Variants in SPMAP2L observed in about 807,000 individuals in gnomAD.
SPMAP2L encodes the protein sperm microtubule associated protein 2 like.
chr4:56,599,734 C>A, the SPMAP2L span, among the ~76,000 whole-genome samples: 1 of 152,154 alleles, frequency 6.6e-6, no homozygotes, highest in Non-Finnish European at 1.5e-5. Context: ...GATATGATCT[C>A]ATTCTTTTTT....
chr4:56,607,805 T>C, the SPMAP2L span, among the ~76,000 whole-genome samples: 16 of 151,930 alleles, frequency 1.1e-4, no homozygotes, highest in Admixed American at 9.8e-4. Context: ...CTGGGCAACA[T>C]AGGGACACCC....
At chr4:56,581,881 A>C in the SPMAP2L span, among the ~76,000 whole-genome samples, 13 of 152,138 alleles carry the variant, frequency 8.5e-5, no homozygotes, top group Admixed American at 6.5e-4. Flanking sequence ...ATTTATGGGC[A>C]ATTGATTTTT....
the SPMAP2L span, among the ~76,000 whole-genome samples, chr4:56,608,241 G>T: frequency 6.6e-6 from 1 of 152,170 alleles, no homozygotes. Context: ...AATGTGAGAA[G>T]TGAGAATTGA....
the SPMAP2L span, among the ~76,000 whole-genome samples, chr4:56,540,353 G>A: frequency 6.6e-6 from 1 of 152,072 alleles, no homozygotes; most frequent in Admixed American, 6.5e-5. Context: ...GACCAGCCTG[G>A]CCAACATGCC....
chr4:56,554,108 G>C, the SPMAP2L span, among the ~76,000 whole-genome samples: 1 of 152,002 alleles, frequency 6.6e-6, no homozygotes. Flanking sequence ...CTATTTAAGG[G>C]CATCATGGTT....
chr4:56,560,573 T>A, the SPMAP2L span, among the ~76,000 whole-genome samples: 1 of 152,176 alleles, frequency 6.6e-6, no homozygotes, highest in Non-Finnish European at 1.5e-5. Context: ...GCTACAGGAA[T>A]CTCCAACTCA....
the SPMAP2L span, among the ~76,000 whole-genome samples, chr4:56,609,447 T>C: frequency 6.6e-6 from 1 of 152,240 alleles, no homozygotes. Flanking sequence ...TTAGATGATA[T>C]TTACGTGAGA....
the SPMAP2L span, chr4:56,603,290 G>A: frequency 6.5e-7 from 1 of 1,534,114 alleles, no homozygotes; most frequent in Non-Finnish European, 8.7e-7. Flanking sequence ...GTTCTCAAAG[G>A]ATCTGGGAGT....
chr4:56,593,090 C>T, the SPMAP2L span: 1 of 1,580,038 alleles, frequency 6.3e-7, no homozygotes, highest in East Asian at 2.2e-5. Flanking sequence ...CTCAGTGCCA[C>T]AGACGATTTT....
At chr4:56,540,902 A>C in the SPMAP2L span, among the ~76,000 whole-genome samples, 1 of 152,242 alleles carries the variant, frequency 6.6e-6, no homozygotes, top group Non-Finnish European at 1.5e-5. Flanking sequence ...AAGAAATGTC[A>C]ATGTTTGAAC....
chr4:56,537,721 C>T, the SPMAP2L span, among the ~76,000 whole-genome samples: 16 of 151,124 alleles, frequency 1.1e-4, no homozygotes, highest in Admixed American at 3.3e-4. Flanking sequence ...AGACGAGTCT[C>T]GCTCTGTCGC....
At chr4:56,538,864 A>G in the SPMAP2L span, among the ~76,000 whole-genome samples, 4 of 152,224 alleles carry the variant, frequency 2.6e-5, no homozygotes, top group Non-Finnish European at 4.4e-5. Flanking sequence ...TTTGTCTTCT[A>G]GATTTTCCTT....
the SPMAP2L span, chr4:56,530,692 T>C: frequency 3.9e-6 from 6 of 1,528,302 alleles, no homozygotes; most frequent in African/African-American, 8.4e-5. Context: ...GAACCAAGAG[T>C]TTCTAAGTTC....
At chr4:56,563,054 T>G in the SPMAP2L span, among the ~76,000 whole-genome samples, 1 of 149,986 alleles carries the variant, frequency 6.7e-6, no homozygotes, top group East Asian at 2.0e-4. Flanking sequence ...GATTATGAGT[T>G]AATTACTGCA....
At chr4:56,553,941 G>A in the SPMAP2L span, among the ~76,000 whole-genome samples, 16,185 of 151,272 alleles carry the variant, frequency 0.11, 971 homozygotes, top group East Asian at 0.2. Context: ...TGTACAGTAC[G>A]TAATCTCTCA....
chr4:56,594,573 G>C, the SPMAP2L span: 1 of 1,601,290 alleles, frequency 6.2e-7, no homozygotes, highest in Admixed American at 1.7e-5. Context: ...AAAGGAGAGG[G>C]GCACAGAACG....
chr4:56,592,457 A>T, the SPMAP2L span, among the ~76,000 whole-genome samples: 2 of 152,194 alleles, frequency 1.3e-5, no homozygotes, highest in Non-Finnish European at 2.9e-5. Flanking sequence ...TACGTTGGGG[A>T]GCCACAACTT....
At chr4:56,596,300 A>G in the SPMAP2L span, among the ~76,000 whole-genome samples, 29 of 152,342 alleles carry the variant, frequency 1.9e-4, no homozygotes, top group Non-Finnish European at 3.1e-4. Context: ...GAAAAGCTAC[A>G]TCGGAATCCA....
the SPMAP2L span, among the ~76,000 whole-genome samples, chr4:56,536,798 G>C: frequency 0.2 from 30,512 of 151,968 alleles, 3,492 homozygotes; most frequent in East Asian, 0.49. Flanking sequence ...GAGGCTTGCT[G>C]TGTTTCCCAG....
Sources: gnomAD v4.1 joint callset for allele counts (sites outside exome capture counted in the v4.1 genomes callset) on GRCh38, gnomAD v4.1.1 for gene constraint, MANE v1.5 for transcripts, NCBI Gene and HGNC (gene_info 2026-07-23, HGNC 2026-07-21) for gene names.